Variants in DMXL1 observed in about 807,000 individuals in gnomAD.
The protein encoded by DMXL1 is Dmx like 1, also known as dmX-like protein 1.
Under a neutral mutation model 319.2 loss-of-function variants are expected in DMXL1, and 99 were observed. The ratio of observed to expected loss-of-function variants is 0.31; its 90% CI spans 0.26 to 0.37. The LOEUF (loss-of-function observed/expected upper bound fraction) is 0.37, where lower values mean the gene tolerates loss of function less well. Ranked by LOEUF, DMXL1 falls within the 10% of genes least tolerant of loss-of-function variation. The pLI is 1.00. For missense variants in DMXL1, 3,745 were observed against 3,595.6 expected (o/e 1.04, Z -1.06); for synonymous variants, 1,385 against 1,235.2 (o/e 1.12, Z -2.54).
chr5:119,212,232 G>A (rs1235441217), intron 34 of DMXL1, among the ~76,000 whole-genome samples: 2 of 152,024 alleles, frequency 1.3e-5, no homozygotes, highest in Non-Finnish European at 2.9e-5. Context: ...GCCCACTCCA[G>A]GCAACCACCA....
At chr5:119,215,249 GT>G (rs1343619710) in intron 34 of DMXL1, among the ~76,000 whole-genome samples, 2 of 152,020 alleles carry the variant, frequency 1.3e-5, no homozygotes, top group East Asian at 3.9e-4. Context: ...TTTTGGTTTG[GT>G]TATCTTGTAG....
intron 8 of DMXL1, among the ~76,000 whole-genome samples, chr5:119,119,853 G>C (rs942140104): frequency 2.6e-5 from 4 of 151,634 alleles, no homozygotes; most frequent in Admixed American, 6.6e-5. Context: ...TTTATTTTTT[G>C]TGGATTTTTT....
At chr5:119,191,858 T>C (rs1404009050) in intron 29 of DMXL1, among the ~76,000 whole-genome samples, 1 of 152,232 alleles carries the variant, frequency 6.6e-6, no homozygotes, top group African/African-American at 2.4e-5. Context: ...CCTGACCAAG[T>C]TCTTACTGTT....
intron 3 of DMXL1, 164 bp downstream of exon 3, chr5:119,102,170 T>C (rs552112559): frequency 2.2e-6 from 1 of 447,194 alleles, no homozygotes. Flanking sequence ...AAATTTTTCA[T>C]TGGAATAGAA....
chr5:119,191,733 G>A (rs1778730725), intron 29 of DMXL1, among the ~76,000 whole-genome samples: 1 of 152,092 alleles, frequency 6.6e-6, no homozygotes, highest in South Asian at 2.1e-4. Flanking sequence ...TGTGGGCCTA[G>A]AATTTTAAAG....
intron 42 of DMXL1, among the ~76,000 whole-genome samples, chr5:119,243,474 T>C (rs561359754): frequency 2.0e-3 from 300 of 152,326 alleles, no homozygotes; most frequent in African/African-American, 6.9e-3. Context: ...CTGTTCATTA[T>C]GCAATATTCT....
chr5:119,101,786 GAT>G, intron 2 of DMXL1, 147 bp from the exon 3 acceptor site: 1 of 616,880 alleles, frequency 1.6e-6, no homozygotes, highest in South Asian at 1.8e-5. Flanking sequence ...ATGCAGATGT[GAT>G]AGTCTTCAAA....
chr5:119,150,949 T>A (rs138563953), intron 18 of DMXL1, among the ~76,000 whole-genome samples: 57 of 152,102 alleles, frequency 3.7e-4, no homozygotes, highest in Middle Eastern at 6.8e-3. Context: ...GCACAAAGAC[T>A]CGTTATGCTG....
intron 13 of DMXL1, among the ~76,000 whole-genome samples, chr5:119,141,302 A>C (rs1252261539): frequency 1.3e-5 from 2 of 152,226 alleles, no homozygotes; most frequent in Non-Finnish European, 2.9e-5. Flanking sequence ...GAAGAGAGGA[A>C]GTAAAACTAT....
Position 119,133,311 on chromosome 5 carries a change from A to G in DMXL1, c.1495A>G (p.Met499Val). Residue 499 changes from methionine (M) to valine (V), a missense_variant, in exon 11 of 44, where the codon ATG becomes GTG. This residue lies in a region of DMXL1 where 2,096 missense variants were observed against 1,985.4 expected (regional missense o/e 1.06). Coordinates refer to ENST00000539542, the MANE Select transcript of DMXL1 (RefSeq NM_001290321.3). ...AGATATGCTATTTAGTATTCATCCC[A>G]TGGATGGTTCTTTGCTAGTTTGGCA... ...NADMLFSIHP[M>V]DGSLLVWHVD... 3 of 1,614,084 alleles carry G rather than the reference A, an allele frequency of 1.9e-6. No homozygotes were observed. Among genetic ancestry groups the G allele is most frequent in the African/African-American group, 2.7e-5 (2 of 75,038 alleles).
chr5:119,112,461 A>G lies in DMXL1; in HGVS notation c.498-2014A>G, dbSNP rs113204311. Among the ~76,000 whole-genome samples the G allele has an allele frequency of 3.0e-3, 456 of 152,336 alleles. 2 individuals are homozygous for G. Among genetic ancestry groups the G allele is most frequent in the African/African-American group, 0.01 (424 of 41,580 alleles). On this transcript the variant is annotated intron_variant, in intron 5 of 43. Transcript: ENST00000539542. Reference sequence around the variant, plus strand: ...AGAAAATAAACCAGTAAACTGGTGTAACAGGATTTAAGTGAAACTGACTAG... The same window carrying G: ...AGAAAATAAACCAGTAAACTGGTGTGACAGGATTTAAGTGAAACTGACTAG...
chr5:119,129,488 G>C, intron 10 of DMXL1, 65 bp downstream of exon 10: 1 of 1,131,658 alleles, frequency 8.8e-7, no homozygotes, highest in South Asian at 1.5e-5. Flanking sequence ...TTCATATTAG[G>C]GTAAAACTAG....
rs1018976291 is a variant in DMXL1, at chr5:119,123,306, G to C, written c.1102+2167G>C. On this transcript the variant is annotated intron_variant, in intron 9 of 43. Coordinates refer to ENST00000539542, the MANE Select transcript of DMXL1 (RefSeq NM_001290321.3). ...AGGGAGAGCGTGGAAAGAGGGAGAG[G>C]GGAGACCGTGGAAAGGGGAGAGGGA... Among the ~76,000 whole-genome samples, 7 of 148,006 alleles carry C rather than the reference G, an allele frequency of 4.7e-5. No individual in the cohort carries two copies. The South Asian group carries it at 1.3e-3, about 28-fold the overall frequency.
chr5:119,118,709 T>C lies in DMXL1; in HGVS notation c.744-106T>C, dbSNP rs556294351. ...TCTGTACATATTGATATTTTCTTCA[T>C]TGGTACCTTAGTTGGTACATTTAAG... On this transcript the variant is annotated intron_variant, in intron 7 of 43. Transcript: ENST00000539542. 135 of 815,446 alleles carry C rather than the reference T, an allele frequency of 1.7e-4. No homozygotes were observed. The East Asian group carries it at 3.4e-3, about 20-fold the overall frequency. The allele number at this position is 815,446 out of a possible 1,614,324, so 50.5% of individuals were successfully genotyped here.
intron 1 of DMXL1, among the ~76,000 whole-genome samples, chr5:119,086,956 C>T (rs564788714): frequency 1.7e-4 from 26 of 152,012 alleles, no homozygotes; most frequent in Non-Finnish European, 3.1e-4. Context: ...AGGAATTTAT[C>T]CACTCACTTC....
chr5:119,116,977 A>G (rs184520741), intron 7 of DMXL1, among the ~76,000 whole-genome samples: 6 of 151,976 alleles, frequency 3.9e-5, no homozygotes, highest in Admixed American at 1.3e-4. Flanking sequence ...ATAGAGACCT[A>G]TTACTTAAAT....
Position 119,170,477 on chromosome 5 carries a change from A to G in DMXL1, c.5686A>G (p.Ser1896Gly), listed in dbSNP as rs549105567. The G allele has an allele frequency of 3.7e-6, 6 of 1,613,720 alleles. No homozygotes were observed. The highest frequency in any genetic ancestry group is 3.4e-6 in the Non-Finnish European group (4 of 1,179,876). ...KKTRPFYRAS[S>G]FLDTSKDCSP... ...AACAAGACCTTTTTATAGGGCTTCT[A>G]GTTTTCTGGATACTAGTAAAGACTG... The change falls in exon 24 of 44, where the codon AGT becomes GGT. Residue 1896 changes from serine to glycine, a missense_variant. Transcript: ENST00000539542.
rs146777930 is a variant in DMXL1, at chr5:119,229,810, A to G, written c.8339-3530A>G. Among the ~76,000 whole-genome samples the G allele has an allele frequency of 5.6e-3, 855 of 152,266 alleles. 8 individuals are homozygous for G. Among genetic ancestry groups the G allele is most frequent in the African/African-American group, 0.02 (822 of 41,556 alleles). The stretch of plus-strand genomic sequence containing the variant: ...GCACTGTCAGTCACACCAGCATTCT[A>G]TAGAGTAGCAAATCTATATCTTTCA... On this transcript the variant is annotated intron_variant, in intron 38 of 43. Coordinates refer to ENST00000539542, the MANE Select transcript of DMXL1 (RefSeq NM_001290321.3).
chr5:119,149,005 G>A lies in DMXL1; in HGVS notation c.3178G>A (p.Ala1060Thr). Residue 1060 changes from alanine to threonine, a missense_variant, in exon 18 of 44, where the codon GCT (alanine) becomes ACT (threonine). By Grantham distance (58) the Ala-to-Thr change is moderately conservative (BLOSUM62 0). Around this residue, in one of 4 missense-constraint regions of DMXL1, gnomAD observed 2,096 missense variants for 1,985.4 expected, o/e 1.06. Transcript: ENST00000539542. ...TGCACATACAAATCGTTTAGCAGTA[G>A]CTTATAAGCAGCCTGCATCTAATAG... ...SCAHTNRLAVAYKQPASNSRS... is the reference protein window; with the variant it reads ...SCAHTNRLAVTYKQPASNSRS... 1.2e-6 allele frequency: 2 copies of A among 1,613,948 alleles called. No individual in the cohort carries two copies. The highest frequency in any genetic ancestry group is 2.2e-5 in the East Asian group (1 of 44,868).
Sources: allele counts gnomAD v4.1 joint callset (sites outside exome capture counted in the v4.1 genomes callset), GRCh38; gene constraint gnomAD v4.1.1; regional missense constraint gnomAD v4.1.1; transcripts MANE v1.5; gene names NCBI Gene and HGNC (gene_info 2026-07-23, HGNC 2026-07-21).